Variants in DPY19L2 observed in about 807,000 individuals in gnomAD.
The protein encoded by DPY19L2 is probable C-mannosyltransferase DPY19L2.
Under a neutral mutation model 97.9 loss-of-function variants are expected in DPY19L2, and 34 were observed. The observed-to-expected ratio is 0.35, with a 90% CI of 0.26 to 0.46. The LOEUF (loss-of-function observed/expected upper bound fraction) is 0.46, where lower values mean the gene tolerates loss of function less well. DPY19L2 is among the 20% of genes least tolerant of loss of function. The pLI is 1.00. For missense variants in DPY19L2, 623 were observed against 911.4 expected (o/e 0.68, Z 4.07); for synonymous variants, 230 against 307.9 (o/e 0.75, Z 2.65).
chr12:63,651,723 A>C, intron 4 of DPY19L2: 1 of 432,276 alleles, frequency 2.3e-6, no homozygotes, highest in Non-Finnish European at 4.7e-6. Flanking sequence ...TTACAACTGC[A>C]ATCTCTCCAA....
intron 6 of DPY19L2, among the ~76,000 whole-genome samples, chr12:63,640,016 C>T (rs1406753355): frequency 6.6e-6 from 1 of 152,170 alleles, no homozygotes; most frequent in Non-Finnish European, 1.5e-5. Flanking sequence ...GAATACTATG[C>T]AGCCATAAAA....
At chr12:63,564,671 G>A (rs890112954) in intron 21 of DPY19L2, among the ~76,000 whole-genome samples, 1 of 152,042 alleles carries the variant, frequency 6.6e-6, no homozygotes, top group African/African-American at 2.4e-5. Flanking sequence ...TTGATAAATA[G>A]TCTGCGTGTG....
rs752315903 is a variant in DPY19L2 at position 63,626,520 on chromosome 12, A to C, written c.810T>G (p.Thr270=). 1 of 1,489,526 alleles carries C rather than the reference A, an allele frequency of 6.7e-7. No individual in the cohort carries two copies. Among genetic ancestry groups the C allele is most frequent in the Non-Finnish European group, 9.1e-7 (1 of 1,102,028 alleles). 92.3% of individuals were successfully genotyped at this position (1,489,526 alleles called of 1,614,324 possible). A position where few individuals can be genotyped will look rare whatever the true frequency, so the allele number is the denominator to read the frequency against. ...GTACTGTAATAAGACCTCCCAGTTG[A>C]GTCCCACTGTAAAAAAAAAACAAAA... ...FFMYGAYLSG[T]QLGGLITVLC... The change falls in exon 7 of 22, where the codon ACT becomes ACG. Residue 270 remains threonine, a synonymous_variant. Transcript: ENST00000324472.
intron 11 of DPY19L2, among the ~76,000 whole-genome samples, chr12:63,614,656 A>G (rs10878063): frequency 0.74 from 112,726 of 151,894 alleles, 42,920 homozygotes; most frequent in African/African-American, 0.91. Context: ...TGAGACCCAC[A>G]AGAAACAAAA....
intron 16 of DPY19L2, among the ~76,000 whole-genome samples, chr12:63,589,085 T>C (rs1882368748): frequency 6.6e-6 from 1 of 151,976 alleles, no homozygotes; most frequent in Non-Finnish European, 1.5e-5. Context: ...AAAGGCTATC[T>C]ATTATATACT....
intron 6 of DPY19L2, among the ~76,000 whole-genome samples, chr12:63,639,804 A>C (rs1892386508): frequency 1.3e-5 from 2 of 152,166 alleles, no homozygotes; most frequent in Admixed American, 1.3e-4. Context: ...AATTCCTCAA[A>C]GATCTAGAAC....
chr12:63,594,463 T>TTGTGTGTG (rs770320993), intron 15 of DPY19L2, among the ~76,000 whole-genome samples: 774 of 71,224 alleles, frequency 0.011, 6 homozygotes, highest in East Asian at 0.043. Context: ...GAGAGAGAGA[T>TTGTGTGTG]AGTGTGTGTG....
intron 15 of DPY19L2, among the ~76,000 whole-genome samples, chr12:63,594,406 G>A (rs1211905758): frequency 1.1e-4 from 16 of 151,694 alleles, no homozygotes; most frequent in Non-Finnish European, 2.4e-4. Flanking sequence ...GGGTTTATAA[G>A]AAAGCAGAAA....
intron 5 of DPY19L2, among the ~76,000 whole-genome samples, chr12:63,645,912 T>C (rs1049596691): frequency 5.9e-5 from 9 of 152,238 alleles, no homozygotes; most frequent in Non-Finnish European, 1.0e-4. Context: ...ATGGATAAAG[T>C]ATAAAATCCT....
intron 4 of DPY19L2, among the ~76,000 whole-genome samples, chr12:63,652,335 T>C (rs1894368412): frequency 6.6e-6 from 1 of 152,160 alleles, no homozygotes; most frequent in Non-Finnish European, 1.5e-5. Context: ...GAATGTAAAC[T>C]AGTTCAAACA....
At chr12:63,634,440 G>C (rs1296084928) in intron 6 of DPY19L2, among the ~76,000 whole-genome samples, 2 of 152,048 alleles carry the variant, frequency 1.3e-5, no homozygotes, top group Non-Finnish European at 2.9e-5. Context: ...CATCTCACTG[G>C]GGCTTGTCCA....
intron 19 of DPY19L2, among the ~76,000 whole-genome samples, chr12:63,573,688 G>A (rs910729526): frequency 2.6e-5 from 4 of 152,092 alleles, no homozygotes; most frequent in African/African-American, 9.7e-5. Flanking sequence ...AAAGCAGCAA[G>A]AGAAAAGAAA....
chr12:63,644,648 A>C lies in DPY19L2; in HGVS notation c.710-152T>G, dbSNP rs1314590689. ...CTGCTGTGTTTAATTATTTACCCTT[A>C]TAAGAGTTTGTGTGTGTGTGTGCTT... On this transcript the variant is annotated intron_variant, in intron 5 of 21. Transcript: ENST00000324472. 5.5e-6 allele frequency: 7 copies of C among 1,262,520 alleles called. No individual in the cohort carries two copies. The Admixed American group carries it at 8.5e-5, about 15-fold the overall frequency. The allele number at this position is 1,262,520 out of a possible 1,614,324, so 78.2% of individuals were successfully genotyped here. A position where few individuals can be genotyped will look rare whatever the true frequency, so the allele number is the denominator to read the frequency against.
rs899076991 is a variant in DPY19L2 at position 63,587,840 on chromosome 12, G to A, written c.1581-4004C>T. 1.1e-4 allele frequency among the ~76,000 whole-genome samples: 17 copies of A among 151,906 alleles called. 1 individual carries two copies. Among genetic ancestry groups the A allele is most frequent in the Non-Finnish European group, 2.5e-4 (17 of 67,966 alleles). ...CCCGCCTTGGCCTCCCAAAGTGCTG[G>A]GATTATAGGCATGAGCCACCGAACC... is the stretch of plus-strand genomic sequence containing the variant. On this transcript the variant is annotated intron_variant, in intron 16 of 21. Coordinates refer to ENST00000324472, the MANE Select transcript of DPY19L2 (RefSeq NM_173812.5).
At chr12:63,570,936 A>C in intron 19 of DPY19L2, 79 bp from the exon 20 acceptor site, 4 of 1,432,020 alleles carry the variant, frequency 2.8e-6, no homozygotes, top group Non-Finnish European at 3.8e-6. Context: ...CTAATATGTG[A>C]ACCCAAATTA....
chr12:63,572,912 G>A (rs1364637115), intron 19 of DPY19L2, among the ~76,000 whole-genome samples: 4 of 152,114 alleles, frequency 2.6e-5, no homozygotes, highest in Admixed American at 1.3e-4. Context: ...CAGCTGCAGC[G>A]ACCAGAAACT....
chr12:63,646,000 G>A (rs892485951), intron 5 of DPY19L2, among the ~76,000 whole-genome samples: 12 of 151,848 alleles, frequency 7.9e-5, no homozygotes, highest in Non-Finnish European at 1.6e-4. Context: ...CTTCTCCATC[G>A]CTTCTAGGAT....
At position 63,619,944 on chromosome 12, in the gene DPY19L2, T is replaced by C. The variant is rs546681289; in HGVS notation, c.1053+1294A>G. The C allele has an allele frequency of 1.7e-3, 786 of 455,874 alleles. 2 individuals are homozygous for C. The highest frequency in any genetic ancestry group is 3.1e-3 in the Non-Finnish European group (706 of 226,720). The allele number at this position is 455,874 out of a possible 1,614,324, so 28.2% of individuals were successfully genotyped here. On this transcript the variant is annotated intron_variant, in intron 9 of 21. Coordinates refer to ENST00000324472, the MANE Select transcript of DPY19L2 (RefSeq NM_173812.5). The stretch of plus-strand genomic sequence containing the variant: ...ATAGAATAATGTCTGTGTTATAACC[T>C]GAAAGGGGCCAACTTTTATGAAGTT...
At chr12:63,667,247 C>T (rs1316811590) in intron 1 of DPY19L2, among the ~76,000 whole-genome samples, 1 of 152,056 alleles carries the variant, frequency 6.6e-6, no homozygotes, top group South Asian at 2.1e-4. Context: ...TATTTGTATC[C>T]TATTTCTAAT....
Sources: gnomAD v4.1 joint callset for allele counts (sites outside exome capture counted in the v4.1 genomes callset) on GRCh38, gnomAD v4.1.1 for gene constraint, MANE v1.5 for transcripts, NCBI Gene and HGNC (gene_info 2026-07-23, HGNC 2026-07-21) for gene names.